VPS45: variants seen among roughly 807,000 people sequenced by gnomAD.
VPS45 encodes the protein vacuolar protein sorting-associated protein 45.
A neutral mutation model predicts 75.9 loss-of-function variants in VPS45; 35 were observed. The observed-to-expected ratio is 0.46, with a 90% CI of 0.35 to 0.61. VPS45 has a LOEUF of 0.61. Among genes scored for constraint, VPS45 ranks in the 20% least tolerant of loss-of-function variants. VPS45 has a pLI of 0.00. For synonymous variants in VPS45, 220 were observed against 238.2 expected (o/e 0.92, Z 0.70); for missense variants, 559 against 685.9 (o/e 0.81, Z 2.07).
chr1:150,076,925 G>A lies in VPS45; in HGVS notation c.379G>A (p.Gly127Ser), dbSNP rs1363319988. Residue 127 changes from glycine to serine, a missense_variant, in exon 5 of 15, where the codon GGT becomes AGT. Physicochemically the swap from Gly to Ser is moderately conservative, Grantham distance 56. Coordinates refer to ENST00000644510, the MANE Select transcript of VPS45 (RefSeq NM_007259.5). ...EVVAEVQEFY[G>S]DYIAVNPHLF... Reference sequence around the variant, plus strand: ...GGTGCTTTATTTGCAGGAATTTTATGGTGATTACATTGCTGTGAACCCACA... The same window carrying A: ...GGTGCTTTATTTGCAGGAATTTTATAGTGATTACATTGCTGTGAACCCACA... The A allele has an allele frequency of 1.9e-6, 3 of 1,613,952 alleles. No individual in the cohort carries two copies. The highest frequency in any genetic ancestry group is 2.5e-6 in the Non-Finnish European group (3 of 1,179,964).
intron 2 of VPS45, among the ~76,000 whole-genome samples, chr1:150,069,808 A>C (rs11205323): frequency 0.062 from 9,484 of 152,104 alleles, 1,003 homozygotes; most frequent in African/African-American, 0.21. Flanking sequence ...GCATTTTATC[A>C]TGCTTGTGCA....
chr1:150,134,822 T>G (rs1434364249), intron 14 of VPS45, among the ~76,000 whole-genome samples: 3 of 152,186 alleles, frequency 2.0e-5, no homozygotes, highest in African/African-American at 4.8e-5. Flanking sequence ...TTTTGTTATA[T>G]TTTTTATTAT....
intron 14 of VPS45, among the ~76,000 whole-genome samples, chr1:150,116,259 C>G: frequency 6.6e-6 from 1 of 152,120 alleles, no homozygotes; most frequent in East Asian, 1.9e-4. Flanking sequence ...GTACCTAATT[C>G]AAGGGCACCT....
chr1:150,069,042 G>A (rs1460438097), intron 2 of VPS45, among the ~76,000 whole-genome samples: 3 of 151,974 alleles, frequency 2.0e-5, no homozygotes, highest in Admixed American at 6.6e-5. Context: ...CTTTATTCCT[G>A]GATTAACCTC....
At chr1:150,138,330 A>G (rs1263368905) in intron 14 of VPS45, among the ~76,000 whole-genome samples, 2 of 152,142 alleles carry the variant, frequency 1.3e-5, no homozygotes, top group Non-Finnish European at 2.9e-5. Context: ...GTTATCACTT[A>G]GCTTCCAGGA....
chr1:150,069,292 A>C (rs1003323737), intron 2 of VPS45, among the ~76,000 whole-genome samples: 3 of 151,242 alleles, frequency 2.0e-5, no homozygotes, highest in Non-Finnish European at 4.4e-5. Flanking sequence ...CAGCTAGGCT[A>C]CTGTTGGAAT....
chr1:150,093,568 T>C lies in VPS45; in HGVS notation c.1413T>C (p.His471=). 1 of 1,613,898 alleles carries C rather than the reference T, an allele frequency of 6.2e-7. No homozygotes were observed. Among genetic ancestry groups the C allele is most frequent in the Middle Eastern group, 1.7e-4 (1 of 6,058 alleles). The change falls in exon 13 of 15, where the codon CAT becomes CAC. Residue 471 remains histidine, a synonymous_variant. Coordinates refer to ENST00000644510, the MANE Select transcript of VPS45 (RefSeq NM_007259.5). Reference sequence around the variant, plus strand: ...ATACACAGCATCAACCTTTCCTACATGAAACCCTGGATCATCTCATCAAAG... The same window carrying C: ...ATACACAGCATCAACCTTTCCTACACGAAACCCTGGATCATCTCATCAAAG... ...NVYTQHQPFL[H]ETLDHLIKGR...
Position 150,145,043 on chromosome 1 carries a change from A to C in VPS45, c.*247A>C. ...ATGTATCTGTTAGCACAATCACTTC[A>C]GTTACTGATGAATTTTGTTGGGATC... On this transcript the variant is annotated 3_prime_UTR_variant, in exon 15 of 15. Coordinates refer to ENST00000644510, the MANE Select transcript of VPS45 (RefSeq NM_007259.5). 1.0e-6 allele frequency: 1 copy of C among 978,536 alleles called. No homozygotes were observed. Among genetic ancestry groups the C allele is most frequent in the Non-Finnish European group, 1.5e-6 (1 of 675,712 alleles). The allele number at this position is 978,536 out of a possible 1,614,324, so 60.6% of individuals were successfully genotyped here.
chr1:150,081,050 A>C (rs782615899), intron 7 of VPS45, among the ~76,000 whole-genome samples: 10 of 152,332 alleles, frequency 6.6e-5, no homozygotes, highest in Non-Finnish European at 1.3e-4. Context: ...CAGGCAAAAA[A>C]TTGGAGCTAA....
At chr1:150,077,809 G>T in intron 7 of VPS45, 30 bp downstream of exon 7, 1 of 1,527,934 alleles carries the variant, frequency 6.5e-7, no homozygotes. Context: ...CATAATAGAA[G>T]GATAATTTTA....
Position 150,092,380 on chromosome 1 carries a change from A to G in VPS45, c.1342A>G (p.Ile448Val). The G allele has an allele frequency of 6.2e-7, 1 of 1,614,196 alleles. No homozygotes were observed. Among genetic ancestry groups the G allele is most frequent in the Non-Finnish European group, 8.5e-7 (1 of 1,180,020 alleles). Residue 448 changes from isoleucine (I) to valine (V), a missense_variant, in exon 12 of 15, where the codon ATC becomes GTC. Ile to Val is a conservative substitution (Grantham distance 29). Coordinates refer to ENST00000644510, the MANE Select transcript of VPS45 (RefSeq NM_007259.5). Reference protein sequence around the residue: ...DLFSPKDAVAITKQFLKGLKG... With the variant: ...DLFSPKDAVAVTKQFLKGLKG... The stretch of plus-strand genomic sequence containing the variant: ...CTTCAGCCCCAAAGATGCTGTGGCT[A>G]TCACCAAACAATTCCTCAAAGGACT...
At chr1:150,120,864 C>CTTTT (rs370159689) in intron 14 of VPS45, among the ~76,000 whole-genome samples, 6 of 86,030 alleles carry the variant, frequency 7.0e-5, no homozygotes, top group Non-Finnish European at 7.1e-5. Flanking sequence ...TAGCAACATT[C>CTTTT]TTTTTTTTTT....
chr1:150,139,945 G>A (rs1389165422), intron 14 of VPS45, among the ~76,000 whole-genome samples: 5 of 152,010 alleles, frequency 3.3e-5, no homozygotes, highest in Non-Finnish European at 5.9e-5. Context: ...CCAGCCTGGA[G>A]TGCTGTGGTG....
intron 13 of VPS45, among the ~76,000 whole-genome samples, chr1:150,102,410 A>G (rs1657090124): frequency 6.6e-6 from 1 of 151,930 alleles, no homozygotes; most frequent in Non-Finnish European, 1.5e-5. Flanking sequence ...TTAGCGGAGC[A>G]TGTTGGTGCA....
chr1:150,144,957 C>A lies in VPS45; in HGVS notation c.*161C>A. 1.3e-6 allele frequency: 2 copies of A among 1,528,602 alleles called. No homozygotes were observed. The highest frequency in any genetic ancestry group is 1.8e-6 in the Non-Finnish European group (2 of 1,140,318). 94.7% of individuals were successfully genotyped at this position (1,528,602 alleles called of 1,614,324 possible). On this transcript the variant is annotated 3_prime_UTR_variant, in exon 15 of 15. Coordinates refer to ENST00000644510, the MANE Select transcript of VPS45 (RefSeq NM_007259.5). ...CGTGGTTGGCACAGACACAAGACTC[C>A]CAGAGTTGTCCTAACAATAAGTCTG...
At chr1:150,096,289 T>G (rs587663056) in intron 13 of VPS45, among the ~76,000 whole-genome samples, 1 of 152,146 alleles carries the variant, frequency 6.6e-6, no homozygotes, top group African/African-American at 2.4e-5. Context: ...GGAGAGTGTA[T>G]TGGATCATGA....
intron 14 of VPS45, among the ~76,000 whole-genome samples, chr1:150,113,538 C>T (rs373269089): frequency 6.6e-6 from 1 of 152,170 alleles, no homozygotes; most frequent in African/African-American, 2.4e-5. Flanking sequence ...GCAAAGTATT[C>T]ATTATTATGA....
intron 3 of VPS45, among the ~76,000 whole-genome samples, chr1:150,075,327 C>A (rs191061353): frequency 6.6e-6 from 1 of 152,024 alleles, no homozygotes; most frequent in African/African-American, 2.4e-5. Flanking sequence ...TTGCTGATTG[C>A]ATCCCCAGGG....
At chr1:150,111,015 A>G (rs192437422) in intron 14 of VPS45, among the ~76,000 whole-genome samples, 4 of 152,324 alleles carry the variant, frequency 2.6e-5, no homozygotes, top group African/African-American at 9.6e-5. Flanking sequence ...AAATACTTAA[A>G]CATAATGGTA....
Sources: allele counts gnomAD v4.1 joint callset (sites outside exome capture counted in the v4.1 genomes callset), GRCh38; gene constraint gnomAD v4.1.1; transcripts MANE v1.5; gene names NCBI Gene and HGNC (gene_info 2026-07-23, HGNC 2026-07-21).